The following HCN1 variants were observed in gnomAD, a reference collection of about 807,000 sequenced individuals.
HCN1 encodes potassium/sodium hyperpolarization-activated cyclic nucleotide-gated channel 1.
HCN1 carries 13 observed loss-of-function variants against 78.9 expected under a neutral mutation model. The ratio of observed to expected loss-of-function variants is 0.16; its 90% CI spans 0.11 to 0.26. The LOEUF (loss-of-function observed/expected upper bound fraction) is 0.26. Ranked by LOEUF, HCN1 falls within the 10% of genes least tolerant of loss-of-function variation. HCN1 has a pLI of 1.00. For synonymous variants in HCN1, 552 were observed against 455.5 expected, an observed-to-expected ratio of 1.21 and a Z score of -2.70; for missense variants, 810 against 1,154.3, an observed-to-expected ratio of 0.70 and a Z score of 4.32.
rs112510249 is a variant in HCN1, at chr5:45,475,999, C to G, written c.850-13992G>C. On this transcript the variant is annotated intron_variant, in intron 2 of 7. Transcript: ENST00000303230. ...ATAGACGATAGAACTTTTAGCATTA[C>G]ATTTTAAATGAAAATATTTTACAAA... Among the ~76,000 whole-genome samples, 1,132 of 152,206 alleles carry G rather than the reference C, an allele frequency of 7.4e-3. 13 individuals are homozygous for G. Among genetic ancestry groups the G allele is most frequent in the African/African-American group, 0.026 (1,086 of 41,540 alleles).
intron 1 of HCN1, among the ~76,000 whole-genome samples, chr5:45,691,721 G>A (rs944829879): frequency 1.3e-5 from 2 of 152,130 alleles, no homozygotes; most frequent in Non-Finnish European, 2.9e-5. Context: ...AGGTTGAATT[G>A]TTTTCTTGTG....
At chr5:45,528,387 AGCCTGTAT>A (rs1206803806) in intron 2 of HCN1, among the ~76,000 whole-genome samples, 1 of 151,964 alleles carries the variant, frequency 6.6e-6, no homozygotes, top group Non-Finnish European at 1.5e-5. Flanking sequence ...GCTGACTAGT[AGCCTGTAT>A]GCACCATTAC....
rs569271554 is a variant in HCN1, at chr5:45,635,242, T to C, written c.849+9943A>G. Among the ~76,000 whole-genome samples, 20 of 152,244 alleles carry C rather than the reference T, an allele frequency of 1.3e-4. 1 individual carries two copies. The highest frequency in any genetic ancestry group is 4.8e-4 in the African/African-American group (20 of 41,574). On this transcript the variant is annotated intron_variant, in intron 2 of 7. Transcript: ENST00000303230. Reference sequence around the variant, plus strand: ...ATGAATTTTCCATTTATCATTCACATTTTTTAAAAATGAGAAAAATGTCTG... The same window carrying C: ...ATGAATTTTCCATTTATCATTCACACTTTTTAAAAATGAGAAAAATGTCTG...
chr5:45,451,481 T>C (rs546562742), intron 3 of HCN1, among the ~76,000 whole-genome samples: 28 of 152,152 alleles, frequency 1.8e-4, no homozygotes, highest in African/African-American at 6.7e-4. Flanking sequence ...TCTCTTCTTT[T>C]TCCTTAAGAA....
Position 45,312,484 on chromosome 5 carries a change from G to A in HCN1, c.1378-8645C>T, listed in dbSNP as rs370293499. Among the ~76,000 whole-genome samples the A allele has an allele frequency of 3.9e-5, 6 of 152,244 alleles. 1 individual carries two copies. Among genetic ancestry groups the A allele is most frequent in the Middle Eastern group, 6.8e-3 (2 of 294 alleles). On this transcript the variant is annotated intron_variant, in intron 5 of 7. Coordinates refer to ENST00000303230, the MANE Select transcript of HCN1 (RefSeq NM_021072.4). ...TTTCTGCATTTCCAACTGAGGTACC[G>A]GGTTCATCTCACTAGCACTTGTCAG...
intron 2 of HCN1, chr5:45,558,490 A>G (rs898371577): frequency 3.9e-5 from 6 of 152,190 alleles, no homozygotes; most frequent in African/African-American, 1.4e-4. Flanking sequence ...ATAGATTTTC[A>G]ATGTAAATGA....
chr5:45,664,438 C>A (rs1745990993), intron 1 of HCN1, among the ~76,000 whole-genome samples: 1 of 144,374 alleles, frequency 6.9e-6, no homozygotes, highest in South Asian at 2.2e-4. Flanking sequence ...GCACATGTAC[C>A]CTAAAACTTA....
At chr5:45,292,771 G>T (rs1002036937) in intron 6 of HCN1, among the ~76,000 whole-genome samples, 1 of 151,864 alleles carries the variant, frequency 6.6e-6, no homozygotes, top group Non-Finnish European at 1.5e-5. Flanking sequence ...TAAAGATTAA[G>T]AGCAGTGACA....
chr5:45,568,661 C>CA lies in HCN1; in HGVS notation c.849+76523dup, dbSNP rs201336464. 2.6e-3 allele frequency among the ~76,000 whole-genome samples: 381 copies of CA among 149,162 alleles called. 3 individuals carry two copies. The highest frequency in any genetic ancestry group is 8.6e-3 in the African/African-American group (350 of 40,664). On this transcript the variant is annotated intron_variant, in intron 2 of 7. Coordinates refer to ENST00000303230, the MANE Select transcript of HCN1 (RefSeq NM_021072.4). ...TTCTGTTATCCATTAAATTGGTAAG[C>CA]AAAAAAAAATTAACACTCGTTATAT...
chr5:45,616,220 C>T (rs1264147114), intron 2 of HCN1, among the ~76,000 whole-genome samples: 1 of 151,760 alleles, frequency 6.6e-6, no homozygotes, highest in Non-Finnish European at 1.5e-5. Flanking sequence ...AATGCAATGC[C>T]AAACTGTGGG....
chr5:45,297,307 G>T (rs947536211), intron 6 of HCN1, among the ~76,000 whole-genome samples: 1 of 152,068 alleles, frequency 6.6e-6, no homozygotes, highest in African/African-American at 2.4e-5. Flanking sequence ...CCCTGGGCGG[G>T]CCAGGTGTTC....
At chr5:45,310,001 T>A (rs1168482937) in intron 5 of HCN1, among the ~76,000 whole-genome samples, 1 of 152,068 alleles carries the variant, frequency 6.6e-6, no homozygotes, top group Non-Finnish European at 1.5e-5. Flanking sequence ...GTCTTGGGCT[T>A]TTTTTGGTTG....
In HCN1 at chr5:45,636,672, A is replaced by G. The variant is rs533582241; in HGVS notation, c.849+8513T>C. Among the ~76,000 whole-genome samples, 392 of 152,150 alleles carry G rather than the reference A, an allele frequency of 2.6e-3. 1 individual carries two copies. Among genetic ancestry groups the G allele is most frequent in the Non-Finnish European group, 3.5e-3 (241 of 67,984 alleles). ...AGACCAGCCAGGACAATATAGCAAG[A>G]CCCTGTCTGTACAAAAGAAAAATTT... On this transcript the variant is annotated intron_variant, in intron 2 of 7. Coordinates refer to ENST00000303230, the MANE Select transcript of HCN1 (RefSeq NM_021072.4).
chr5:45,475,322 T>C (rs1173978039), intron 2 of HCN1, among the ~76,000 whole-genome samples: 2 of 152,070 alleles, frequency 1.3e-5, no homozygotes, highest in Non-Finnish European at 2.9e-5. Context: ...ATTGGAGGTA[T>C]TGTTTTTATT....
At chr5:45,529,284 C>A (rs1488616390) in intron 2 of HCN1, among the ~76,000 whole-genome samples, 3 of 151,938 alleles carry the variant, frequency 2.0e-5, no homozygotes, top group Non-Finnish European at 4.4e-5. Flanking sequence ...CCACTTTATT[C>A]TTTCAATATT....
At chr5:45,520,663 A>C (rs1742597291) in intron 2 of HCN1, among the ~76,000 whole-genome samples, 1 of 151,986 alleles carries the variant, frequency 6.6e-6, no homozygotes, top group Non-Finnish European at 1.5e-5. Context: ...TTTGTAAACA[A>C]GGCAGTATAT....
chr5:45,465,779 T>G (rs1204801171), intron 2 of HCN1, among the ~76,000 whole-genome samples: 1 of 152,068 alleles, frequency 6.6e-6, no homozygotes, highest in Admixed American at 6.6e-5. Context: ...TTTAAACAAC[T>G]CTTTAATCTT....
intron 5 of HCN1, among the ~76,000 whole-genome samples, chr5:45,346,998 C>T (rs1746733836): frequency 6.6e-6 from 1 of 152,222 alleles, no homozygotes; most frequent in African/African-American, 2.4e-5. Flanking sequence ...TGTCTGACTG[C>T]TTTGAAGAGA....
At chr5:45,611,269 CT>C (rs1054830050) in intron 2 of HCN1, among the ~76,000 whole-genome samples, 134 of 113,728 alleles carry the variant, frequency 1.2e-3, no homozygotes, top group East Asian at 2.7e-3. Context: ...TTATCTTTTT[CT>C]TTTTTTTTTT....
Sources: allele counts gnomAD v4.1 joint callset (sites outside exome capture counted in the v4.1 genomes callset), GRCh38; gene constraint gnomAD v4.1.1; transcripts MANE v1.5; gene names NCBI Gene and HGNC (gene_info 2026-07-23, HGNC 2026-07-21).